The following GMDS variants were observed in gnomAD, a reference collection of about 807,000 sequenced individuals.
GMDS encodes GDP-mannose 4,6 dehydratase.
Under a neutral mutation model 49.9 loss-of-function variants are expected in GMDS, and 20 were observed. That is an observed-to-expected ratio of 0.40 (90% CI 0.28 to 0.58). The LOEUF is 0.58. GMDS is among the 20% of genes least tolerant of loss of function. The probability of loss-of-function intolerance (pLI) is 0.42; values close to 1 mark genes in which losing one functional copy is unlikely to be tolerated. For missense variants in GMDS, 362 were observed against 481.4 expected, an observed-to-expected ratio of 0.75 and a Z score of 2.32; for synonymous variants, 177 against 178.6, an observed-to-expected ratio of 0.99 and a Z score of 0.07.
chr6:1,798,916 G>T (rs889732123), intron 7 of GMDS, among the ~76,000 whole-genome samples: 1 of 152,118 alleles, frequency 6.6e-6, no homozygotes, highest in Non-Finnish European at 1.5e-5. Flanking sequence ...CTTCCTTATG[G>T]AAAGTACTGG....
At chr6:2,235,936 G>A (rs1781339889) in intron 1 of GMDS, among the ~76,000 whole-genome samples, 1 of 152,046 alleles carries the variant, frequency 6.6e-6, no homozygotes, top group Admixed American at 6.5e-5. Context: ...GGTCTCTCCA[G>A]TTTCTGCATG....
intron 9 of GMDS, among the ~76,000 whole-genome samples, chr6:1,686,252 G>A (rs1764972824): frequency 6.6e-6 from 1 of 152,212 alleles, no homozygotes; most frequent in Admixed American, 6.5e-5. Context: ...AGAGCGTTCA[G>A]TTGGTGTTAT....
At chr6:2,042,080 G>A (rs796611517) in intron 4 of GMDS, among the ~76,000 whole-genome samples, 17 of 152,296 alleles carry the variant, frequency 1.1e-4, no homozygotes, top group African/African-American at 4.1e-4. Context: ...ATAACCCTGA[G>A]ATAACTGTGG....
intron 1 of GMDS, among the ~76,000 whole-genome samples, chr6:2,184,622 C>T (rs1457799415): frequency 6.6e-6 from 1 of 152,180 alleles, no homozygotes; most frequent in East Asian, 1.9e-4. Flanking sequence ...CACGGTGCTT[C>T]CCAAACTATC....
chr6:1,807,309 T>C (rs1044567773), intron 7 of GMDS, among the ~76,000 whole-genome samples: 4 of 152,220 alleles, frequency 2.6e-5, no homozygotes, highest in African/African-American at 9.6e-5. Flanking sequence ...CCCAAAGTGT[T>C]GGGATTATAC....
At chr6:1,642,064 C>G (rs1232219706) in intron 9 of GMDS, among the ~76,000 whole-genome samples, 1 of 151,966 alleles carries the variant, frequency 6.6e-6, no homozygotes. Context: ...TCCTTTTCAT[C>G]CTGTCCTCGC....
intron 7 of GMDS, among the ~76,000 whole-genome samples, chr6:1,831,085 T>A (rs551999884): frequency 9.2e-5 from 14 of 152,386 alleles, no homozygotes; most frequent in African/African-American, 3.4e-4. Context: ...AGAGTTATTC[T>A]GGTAAGGCCA....
intron 7 of GMDS, among the ~76,000 whole-genome samples, chr6:1,745,690 AT>A (rs1255034056): frequency 6.6e-6 from 1 of 152,178 alleles, no homozygotes; most frequent in African/African-American, 2.4e-5. Context: ...TAAAGTTCAT[AT>A]TGTACCAGAC....
rs1241342407 is a variant in GMDS, at chr6:1,748,452, G to T, written c.772-5866C>A. 2.0e-5 allele frequency among the ~76,000 whole-genome samples: 3 copies of T among 152,176 alleles called. No individual in the cohort carries two copies. In the East Asian group the frequency reaches 5.8e-4, roughly 29 times the overall value. On this transcript the variant is annotated intron_variant, in intron 7 of 10. Transcript: ENST00000380815. ...ATGATTTCCTCCAGCCTGTTCACCT[G>T]ATTGTTTTAGTAAAATTTATTTTAT...
chr6:1,856,155 G>A (rs1328813906), intron 7 of GMDS, among the ~76,000 whole-genome samples: 1 of 152,224 alleles, frequency 6.6e-6, no homozygotes, highest in Non-Finnish European at 1.5e-5. Context: ...TATGGCTGGT[G>A]AGGATCAAAC....
In GMDS at chr6:1,666,781, A is replaced by G. The variant is rs143897259; in HGVS notation, c.988-42241T>C. ...TTACATTTTTGGTCCTCAAGGTCAC[A>G]GTGTCCTTCTAAGCGGAACGATAGT... On this transcript the variant is annotated intron_variant, in intron 9 of 10. Transcript: ENST00000380815. Among the ~76,000 whole-genome samples the G allele has an allele frequency of 3.3e-5, 5 of 152,348 alleles. No individual in the cohort carries two copies. The East Asian group carries it at 9.6e-4, about 29-fold the overall frequency.
At chr6:1,775,280 A>G (rs1768752107) in intron 7 of GMDS, among the ~76,000 whole-genome samples, 2 of 152,220 alleles carry the variant, frequency 1.3e-5, no homozygotes, top group Non-Finnish European at 2.9e-5. Context: ...ATACTGGAAG[A>G]GCCAAAACGA....
intron 6 of GMDS, among the ~76,000 whole-genome samples, chr6:1,949,387 G>C (rs897816231): frequency 6.6e-6 from 1 of 152,156 alleles, no homozygotes; most frequent in African/African-American, 2.4e-5. Context: ...ATATTGCAGG[G>C]AACTGTGCTA....
intron 4 of GMDS, among the ~76,000 whole-genome samples, chr6:2,087,831 T>G (rs769352209): frequency 2.0e-5 from 3 of 152,200 alleles, no homozygotes; most frequent in African/African-American, 7.2e-5. Context: ...GAATGTTAGA[T>G]TGAGTGAAGT....
intron 9 of GMDS, among the ~76,000 whole-genome samples, chr6:1,648,171 T>G (rs1338339864): frequency 6.6e-6 from 1 of 152,210 alleles, no homozygotes; most frequent in African/African-American, 2.4e-5. Context: ...CTCTGTAATT[T>G]GGGCAATGGC....
intron 9 of GMDS, among the ~76,000 whole-genome samples, chr6:1,695,907 G>GTTTTTTTTTTTTTT (rs11366742): frequency 1.6e-5 from 2 of 124,412 alleles, no homozygotes; most frequent in African/African-American, 6.1e-5. Context: ...TTCTGTCTTG[G>GTTTTTTTTTTTTTT]TTTTTTTTTT....
At chr6:2,220,407 T>A (rs1303760170) in intron 1 of GMDS, among the ~76,000 whole-genome samples, 2 of 152,222 alleles carry the variant, frequency 1.3e-5, no homozygotes, top group Non-Finnish European at 2.9e-5. Context: ...TGACACTTAT[T>A]TTCTCGCTGT....
intron 2 of GMDS, 55 bp downstream of exon 2, chr6:2,124,632 C>T (rs1775317535): frequency 1.0e-5 from 14 of 1,335,794 alleles, no homozygotes; most frequent in Middle Eastern, 1.8e-4. Flanking sequence ...AGCATGTGGC[C>T]GCTGCATGCG....
At chr6:2,209,777 G>T (rs1010712661) in intron 1 of GMDS, among the ~76,000 whole-genome samples, 1 of 152,020 alleles carries the variant, frequency 6.6e-6, no homozygotes, top group Non-Finnish European at 1.5e-5. Context: ...ATCTATCTTC[G>T]GGGTTCTAAT....
Sources: allele counts gnomAD v4.1 joint callset (sites outside exome capture counted in the v4.1 genomes callset), GRCh38; gene constraint gnomAD v4.1.1; transcripts MANE v1.5; gene names NCBI Gene and HGNC (gene_info 2026-07-23, HGNC 2026-07-21).